Variants in SEMA4D observed in about 807,000 individuals in gnomAD.
SEMA4D encodes the protein semaphorin 4D, also known as semaphorin-4D.
SEMA4D carries 22 observed loss-of-function variants against 74.8 expected under a neutral mutation model. The ratio of observed to expected loss-of-function variants is 0.29; its 90% CI spans 0.21 to 0.42. SEMA4D has a LOEUF of 0.42. Among genes scored for constraint, SEMA4D ranks in the 10% least tolerant of loss-of-function variants. The probability of loss-of-function intolerance (pLI) is 1.00; values close to 1 mark genes in which losing one functional copy is unlikely to be tolerated. For missense variants in SEMA4D, 937 were observed against 1,118.4 expected, an observed-to-expected ratio of 0.84 and a Z score of 2.31; for synonymous variants, 445 against 463.7, an observed-to-expected ratio of 0.96 and a Z score of 0.52.
chr9:89,386,329 C>T (rs763758205), intron 13 of SEMA4D, 38 bp downstream of exon 13: 63 of 1,479,998 alleles, frequency 4.3e-5, no homozygotes, highest in African/African-American at 5.6e-5. Flanking sequence ...AGCCACCGAG[C>T]GGAGAAGCCC....
intron 1 of SEMA4D, chr9:89,479,649 C>T (rs1047774555): frequency 1.2e-5 from 2 of 161,520 alleles, no homozygotes; most frequent in Non-Finnish European, 2.7e-5. Context: ...TTCGTGGTCT[C>T]GCTGGCTCGG....
chr9:89,426,924 T>C (rs1848242664), intron 2 of SEMA4D, among the ~76,000 whole-genome samples: 1 of 152,190 alleles, frequency 6.6e-6, no homozygotes, highest in Non-Finnish European at 1.5e-5. Flanking sequence ...CCGGCTACGA[T>C]GGTAAGGAGC....
chr9:89,474,149 T>A (rs1444209359), intron 1 of SEMA4D, among the ~76,000 whole-genome samples: 4 of 152,050 alleles, frequency 2.6e-5, no homozygotes, highest in East Asian at 1.9e-4. Flanking sequence ...TCCTCCCACC[T>A]CCCCCTTTGG....
At chr9:89,397,224 A>T (rs77250315) in intron 5 of SEMA4D, among the ~76,000 whole-genome samples, 14,555 of 152,324 alleles carry the variant, frequency 0.096, 822 homozygotes, top group Middle Eastern at 0.14. Context: ...AAAAAACTCA[A>T]TGAATGCTTA....
At chr9:89,367,259 C>T (rs574006243) in intron 16 of SEMA4D, 1 of 152,590 alleles carries the variant, frequency 6.6e-6, no homozygotes, top group South Asian at 2.1e-4. Flanking sequence ...AGGTGCAAAC[C>T]CACGTATGTC....
chr9:89,426,222 G>C (rs1046755552), intron 2 of SEMA4D, among the ~76,000 whole-genome samples: 16 of 152,244 alleles, frequency 1.1e-4, no homozygotes, highest in Non-Finnish European at 2.9e-5. Context: ...TGCAGGCACG[G>C]CATGAGGGGA....
At chr9:89,420,719 G>A (rs766185030) in intron 2 of SEMA4D, among the ~76,000 whole-genome samples, 2 of 152,214 alleles carry the variant, frequency 1.3e-5, no homozygotes, top group Non-Finnish European at 1.5e-5. Context: ...AGAGCAAGGG[G>A]CTCTGCAATC....
chr9:89,425,964 C>T (rs1054061246), intron 2 of SEMA4D, among the ~76,000 whole-genome samples: 12 of 152,242 alleles, frequency 7.9e-5, no homozygotes, highest in Non-Finnish European at 1.8e-4. Context: ...TTGCCAACTG[C>T]CAGCAGTGAA....
intron 16 of SEMA4D, among the ~76,000 whole-genome samples, chr9:89,371,692 GAT>G (rs1419557491): frequency 4.4e-5 from 4 of 89,946 alleles, no homozygotes; most frequent in Non-Finnish European, 6.8e-5. Context: ...TGTGGGGTGT[GAT>G]GTGTGTGGGA....
chr9:89,381,852 C>G lies in SEMA4D; in HGVS notation c.1447-506G>C, dbSNP rs553317524. ...TGGGCGGGGAGCCTCTCGTGAGGGT[C>G]TGGATCCAGCAGAGGCCTAACATAA... On this transcript the variant is annotated intron_variant, in intron 13 of 15. Coordinates refer to ENST00000422704, the MANE Select transcript of SEMA4D (RefSeq NM_001371194.2). The surrounding 1 kb of genome is among the most constrained non-coding windows in gnomAD (Gnocchi z 4.6). The G allele has an allele frequency of 3.2e-5, 5 of 154,372 alleles. No individual in the cohort carries two copies. In the South Asian group the frequency reaches 8.2e-4, roughly 25 times the overall value. The allele number at this position is 154,372 out of a possible 1,614,324, so 9.6% of individuals were successfully genotyped here.
chr9:89,368,201 C>T (rs1400288593), intron 16 of SEMA4D: 1 of 152,488 alleles, frequency 6.6e-6, no homozygotes, highest in Non-Finnish European at 1.5e-5. Flanking sequence ...GGGGCCAGCC[C>T]ATCTCCCAAA....
chr9:89,397,613 A>C (rs1452744875), intron 5 of SEMA4D, among the ~76,000 whole-genome samples: 2 of 152,228 alleles, frequency 1.3e-5, no homozygotes, highest in African/African-American at 4.8e-5. Flanking sequence ...TCTCTTTTTT[A>C]GACTGGTTGG....
intron 2 of SEMA4D, among the ~76,000 whole-genome samples, chr9:89,425,508 C>T (rs1847912260): frequency 6.6e-6 from 1 of 152,234 alleles, no homozygotes; most frequent in Non-Finnish European, 1.5e-5. Context: ...TGGGAAGGGG[C>T]TGCTCACACC....
At chr9:89,421,805 G>A (rs1466155688) in intron 2 of SEMA4D, among the ~76,000 whole-genome samples, 1 of 151,840 alleles carries the variant, frequency 6.6e-6, no homozygotes, top group Non-Finnish European at 1.5e-5. Context: ...GTGTGCGTGT[G>A]TGTGTGTGTG....
At chr9:89,477,120 G>C (rs1861941590) in intron 1 of SEMA4D, among the ~76,000 whole-genome samples, 1 of 152,146 alleles carries the variant, frequency 6.6e-6, no homozygotes, top group Admixed American at 6.5e-5. Flanking sequence ...AATGAGAAGA[G>C]ACTCCTAAAT....
intron 1 of SEMA4D, among the ~76,000 whole-genome samples, chr9:89,493,057 G>A (rs1314664566): frequency 5.3e-5 from 8 of 152,182 alleles, no homozygotes; most frequent in East Asian, 1.9e-4. Flanking sequence ...CATTCAATAC[G>A]TGTTTTCTGG....
chr9:89,378,810 G>A lies in SEMA4D; in HGVS notation c.2483C>T (p.Thr828Met), dbSNP rs1221892413. The change falls in exon 16 of 16, where the codon ACG becomes ATG. Residue 828 changes from threonine (T) to methionine (M), a missense_variant. By Grantham distance (81) the Thr-to-Met change is moderately conservative (BLOSUM62 -1). Transcript: ENST00000422704. ...EQDTITSKVP[T>M]DREDSQRIDD... Reference sequence around the variant, plus strand: ...GATCCTCTGTGAGTCCTCCCTATCCGTGGGGACTTTGCTGGTGATGGTGTC... The same window carrying A: ...GATCCTCTGTGAGTCCTCCCTATCCATGGGGACTTTGCTGGTGATGGTGTC... 22 of 1,614,088 alleles carry A rather than the reference G, an allele frequency of 1.4e-5. No individual in the cohort carries two copies. The highest frequency in any genetic ancestry group is 5.3e-5 in the African/African-American group (4 of 74,930).
intron 16 of SEMA4D, among the ~76,000 whole-genome samples, chr9:89,371,747 GGGTGT>G (rs1834902890): frequency 5.8e-5 from 5 of 86,462 alleles, no homozygotes; most frequent in Admixed American, 1.1e-4. Context: ...GGTGTGTGTC[GGGTGT>G]GGTGTGTGTG....
At chr9:89,362,297 A>T in exon 19 of SEMA4D, 1 of 1,595,828 alleles carries the variant, frequency 6.3e-7, no homozygotes, top group Non-Finnish European at 8.6e-7. Context: ...TGGGCAAGAC[A>T]GTTCACAGTT....
Sources: allele counts gnomAD v4.1 joint callset (sites outside exome capture counted in the v4.1 genomes callset), GRCh38; gene constraint gnomAD v4.1.1; non-coding constraint Gnocchi (gnomAD v3.1); transcripts MANE v1.5; gene names NCBI Gene and HGNC (gene_info 2026-07-23, HGNC 2026-07-21).